The following DST variants were observed in gnomAD, a reference collection of about 807,000 sequenced individuals.
DST encodes dystonin.
In DST, 253 loss-of-function variants were observed where a neutral mutation model predicts 875.2. The observed-to-expected ratio is 0.29, with a 90% CI of 0.26 to 0.32. DST has a LOEUF of 0.32. Ranked by LOEUF, DST falls within the 10% of genes least tolerant of loss-of-function variation. DST has a pLI of 1.00. For missense variants in DST, 8,287 were observed against 9,111.6 expected (o/e 0.91, Z 3.68); for synonymous variants, 3,124 against 3,197.1 (o/e 0.98, Z 0.77).
intron 4 of DST, among the ~76,000 whole-genome samples, chr6:56,788,022 G>A (rs550323857): frequency 2.6e-4 from 38 of 148,832 alleles, no homozygotes; most frequent in African/African-American, 7.2e-4. Flanking sequence ...CTAGCTACTC[G>A]TGAGGCTGAG....
At chr6:56,569,804 T>C in intron 54 of DST, 52 bp downstream of exon 54, 1 of 1,499,214 alleles carries the variant, frequency 6.7e-7, no homozygotes, top group South Asian at 1.2e-5. Flanking sequence ...AGTCTTTTAA[T>C]CTTTCATTAT....
intron 4 of DST, among the ~76,000 whole-genome samples, chr6:56,757,819 G>A (rs146815301): frequency 1.3e-5 from 2 of 152,210 alleles, no homozygotes; most frequent in African/African-American, 4.8e-5. Context: ...CTCTGTGGAT[G>A]GTGGCTATAA....
At chr6:56,779,916 C>T (rs528205801) in intron 4 of DST, among the ~76,000 whole-genome samples, 2 of 138,916 alleles carry the variant, frequency 1.4e-5, no homozygotes, top group African/African-American at 2.7e-5. Context: ...TGATGTTCCC[C>T]TTCCTGTGTC....
intron 69 of DST, among the ~76,000 whole-genome samples, chr6:56,525,082 G>A (rs539695251): frequency 1.6e-4 from 25 of 152,190 alleles, no homozygotes; most frequent in African/African-American, 5.8e-4. Flanking sequence ...AACTCAATCT[G>A]TGACTGTGCC....
chr6:56,924,083 C>T (rs1034249699), intron 2 of DST, among the ~76,000 whole-genome samples: 3 of 152,108 alleles, frequency 2.0e-5, no homozygotes, highest in African/African-American at 7.2e-5. Context: ...GAGATCACGC[C>T]ACTGCTCTCC....
rs183552652 is a variant in DST, at chr6:56,738,055, G to C, written c.626-2766C>G. Among the ~76,000 whole-genome samples, 154 of 152,220 alleles carry C rather than the reference G, an allele frequency of 1.0e-3. 1 individual carries two copies. The highest frequency in any genetic ancestry group is 1.8e-3 in the Non-Finnish European group (125 of 68,014). On this transcript the variant is annotated intron_variant, in intron 4 of 103. Transcript: ENST00000680361. ...CCTACTTTAATGCCAATAAGAATGG[G>C]GGGGAGGAACATATAACGTACTTTT...
At chr6:56,627,975 G>A (rs1198200213) in intron 33 of DST, 24 bp downstream of exon 33, 20 of 1,610,180 alleles carry the variant, frequency 1.2e-5, no homozygotes, top group Non-Finnish European at 1.7e-5. Flanking sequence ...CATAACCTCA[G>A]TAGAGGGAAT....
intron 80 of DST, among the ~76,000 whole-genome samples, chr6:56,499,893 C>A (rs149195040): frequency 2.6e-5 from 4 of 152,238 alleles, no homozygotes; most frequent in African/African-American, 9.6e-5. Context: ...TCTCACCAGT[C>A]ATTAGGGCTT....
Position 56,607,533 on chromosome 6 carries a change from T to C in DST, c.7095A>G (p.Ile2365Met), listed in dbSNP as rs1357107840. Reference protein sequence around the residue: ...ISMLRSDSENILTNYENQSRV... With the variant: ...ISMLRSDSENMLTNYENQSRV... ...GGCTTTGATTTTCATAGTTTGTAAG[T>C]ATGTTTTCAGAGTCACTTCTAAGCA... The change falls in exon 40 of 104, where the codon ATA becomes ATG. Residue 2365 changes from isoleucine to methionine, a missense_variant. By Grantham distance (10) the Ile-to-Met change is conservative (BLOSUM62 1). Coordinates refer to ENST00000680361, the MANE Select transcript of DST (RefSeq NM_001374736.1). 2 of 1,604,998 alleles carry C rather than the reference T, an allele frequency of 1.2e-6. No individual in the cohort carries two copies. The highest frequency in any genetic ancestry group is 1.7e-6 in the Non-Finnish European group (2 of 1,174,864).
At chr6:56,751,484 A>G (rs1589636327) in intron 4 of DST, among the ~76,000 whole-genome samples, 2 of 151,984 alleles carry the variant, frequency 1.3e-5, no homozygotes, top group South Asian at 4.2e-4. Context: ...CATTCTTGTG[A>G]TATTTTGGTT....
At chr6:56,646,442 TG>T (rs2098943229) in intron 13 of DST, among the ~76,000 whole-genome samples, 1 of 152,226 alleles carries the variant, frequency 6.6e-6, no homozygotes, top group Admixed American at 6.5e-5. Flanking sequence ...AACCATTCAG[TG>T]TTTACTAGTG....
chr6:56,920,895 ATTTTTTTTTTTTTTT>A (rs35394550), intron 2 of DST, among the ~76,000 whole-genome samples: 3 of 59,692 alleles, frequency 5.0e-5, no homozygotes, highest in Non-Finnish European at 3.1e-5. Flanking sequence ...CGCCCAGCTA[ATTTTTTTTTTTTTTT>A]TTTTTTTTTT....
intron 9 of DST, among the ~76,000 whole-genome samples, chr6:56,682,934 A>G (rs1219896418): frequency 1.3e-5 from 2 of 152,336 alleles, no homozygotes; most frequent in Middle Eastern, 3.4e-3. Flanking sequence ...TGATAAAAGG[A>G]TGAGTTAACC....
intron 2 of DST, among the ~76,000 whole-genome samples, chr6:56,936,134 A>G (rs1562460445): frequency 6.6e-6 from 1 of 152,212 alleles, no homozygotes; most frequent in African/African-American, 2.4e-5. Context: ...AAATCCTACA[A>G]GATTTTCTAA....
chr6:56,883,199 T>C (rs1157270277), intron 3 of DST, among the ~76,000 whole-genome samples: 1 of 152,158 alleles, frequency 6.6e-6, no homozygotes, highest in East Asian at 1.9e-4. Flanking sequence ...TTTGTTTCAA[T>C]GATGATTCTA....
chr6:56,627,163 C>A (rs746320208), intron 34 of DST, 41 bp downstream of exon 34: 87 of 1,416,644 alleles, frequency 6.1e-5, no homozygotes, highest in Non-Finnish European at 8.5e-5. Context: ...GAATCACAAA[C>A]CTGAATATTA....
Position 56,719,448 on chromosome 6 carries a change from T to C in DST, c.688-15079A>G, listed in dbSNP as rs182536152. On this transcript the variant is annotated intron_variant, in intron 5 of 103. Transcript: ENST00000680361. ...AAGTCATGTGCAAAAGGTTACCAAGTGGTCTAGTTAGGAAACAGATTAATC... is the reference window on the plus strand; with the variant it reads ...AAGTCATGTGCAAAAGGTTACCAAGCGGTCTAGTTAGGAAACAGATTAATC... Among the ~76,000 whole-genome samples, 32 of 152,310 alleles carry C rather than the reference T, an allele frequency of 2.1e-4. No homozygotes were observed. In the East Asian group the frequency reaches 5.4e-3, roughly 26 times the overall value.
At chr6:56,875,887 A>G (rs765496221) in intron 3 of DST, among the ~76,000 whole-genome samples, 1 of 152,176 alleles carries the variant, frequency 6.6e-6, no homozygotes, top group African/African-American at 2.4e-5. Flanking sequence ...TAGCTGCTCC[A>G]CTGCTGCCCG....
chr6:56,775,527 G>A (rs958184991), intron 4 of DST, among the ~76,000 whole-genome samples: 4 of 152,084 alleles, frequency 2.6e-5, no homozygotes, highest in East Asian at 3.9e-4. Context: ...AAGGCCCAGC[G>A]CTTAGATATT....
Sources: allele counts gnomAD v4.1 joint callset (sites outside exome capture counted in the v4.1 genomes callset), GRCh38; gene constraint gnomAD v4.1.1; transcripts MANE v1.5; gene names NCBI Gene and HGNC (gene_info 2026-07-23, HGNC 2026-07-21).